RIPOR2: variants seen among roughly 807,000 people sequenced by gnomAD.
RIPOR2 encodes the protein RHO family interacting cell polarization regulator 2, also known as rho family-interacting cell polarization regulator 2.
Under a neutral mutation model 114.5 loss-of-function variants are expected in RIPOR2, and 39 were observed. That is an observed-to-expected ratio of 0.34 (90% CI 0.26 to 0.44). The LOEUF (loss-of-function observed/expected upper bound fraction) is 0.44. Ranked by LOEUF, RIPOR2 falls within the 20% of genes least tolerant of loss-of-function variation. RIPOR2 has a pLI of 1.00. For missense variants in RIPOR2, 1,007 were observed against 1,255.1 expected (o/e 0.80, Z 2.99); for synonymous variants, 445 against 484.4 (o/e 0.92, Z 1.07).
chr6:25,003,909 A>G (rs1775428141), intron 1 of RIPOR2, among the ~76,000 whole-genome samples: 1 of 152,200 alleles, frequency 6.6e-6, no homozygotes, highest in Non-Finnish European at 1.5e-5. Flanking sequence ...ATCTGACCCC[A>G]GTTCAGTTAT....
chr6:25,025,204 T>A (rs1776549539), intron 1 of RIPOR2, among the ~76,000 whole-genome samples: 1 of 152,190 alleles, frequency 6.6e-6, no homozygotes, highest in Admixed American at 6.5e-5. Context: ...GGTGTACATG[T>A]GGGTGGTGGG....
intron 19 of RIPOR2, among the ~76,000 whole-genome samples, chr6:24,819,585 C>T (rs1340635528): frequency 6.7e-6 from 1 of 148,928 alleles, no homozygotes; most frequent in Admixed American, 6.8e-5. Context: ...GTGATCTCGG[C>T]TCACTGTAAC....
At chr6:24,980,272 A>G (rs1305441542) in intron 1 of RIPOR2, among the ~76,000 whole-genome samples, 1 of 152,224 alleles carries the variant, frequency 6.6e-6, no homozygotes, top group East Asian at 1.9e-4. Flanking sequence ...ATTACAAAGC[A>G]ATAATGTGCT....
chr6:24,877,812 G>A (rs1765946818), intron 1 of RIPOR2, among the ~76,000 whole-genome samples: 1 of 152,134 alleles, frequency 6.6e-6, no homozygotes, highest in African/African-American at 2.4e-5. Context: ...TTCCCCTATT[G>A]GCTAGGGTTG....
Position 24,851,224 on chromosome 6 carries a change from C to T in RIPOR2, c.760-502G>A, listed in dbSNP as rs142163376. 2.7e-3 allele frequency among the ~76,000 whole-genome samples: 412 copies of T among 152,232 alleles called. 6 individuals are homozygous for T. In the South Asian group the frequency reaches 0.027, roughly 10 times the overall value. On this transcript the variant is annotated intron_variant, in intron 9 of 21. Transcript: ENST00000643898. ...ACTTTTAAAGCACAGTAAGTTCTGCCTGCCTGAGACAGGGAGGGTACAGGT... is the reference window on the plus strand; with the variant it reads ...ACTTTTAAAGCACAGTAAGTTCTGCTTGCCTGAGACAGGGAGGGTACAGGT...
intron 1 of RIPOR2, among the ~76,000 whole-genome samples, chr6:24,921,651 G>GCCCCCCCCCCC (rs143776369): frequency 6.8e-6 from 1 of 146,888 alleles, no homozygotes; most frequent in Non-Finnish European, 1.5e-5. Context: ...AACACTTATC[G>GCCCCCCCCCCC]CCCCCCCCGA....
intron 13 of RIPOR2, chr6:24,840,370 C>A: frequency 4.4e-6 from 5 of 1,140,526 alleles, no homozygotes; most frequent in Non-Finnish European, 5.4e-6. Flanking sequence ...CCTGACCAGG[C>A]CCTGGCATCA....
intron 12 of RIPOR2, among the ~76,000 whole-genome samples, chr6:24,843,995 A>C (rs1473326986): frequency 6.6e-6 from 1 of 152,122 alleles, no homozygotes; most frequent in Admixed American, 6.6e-5. Context: ...TTAGTTCCAA[A>C]GTTGTGATGT....
chr6:25,030,759 C>T (rs538250878), intron 1 of RIPOR2, among the ~76,000 whole-genome samples: 82 of 152,088 alleles, frequency 5.4e-4, no homozygotes, highest in African/African-American at 1.7e-3. Context: ...AGTGCAATGG[C>T]GTGATCTCGG....
At chr6:24,945,555 G>C (rs1458352543) in intron 1 of RIPOR2, among the ~76,000 whole-genome samples, 1 of 152,104 alleles carries the variant, frequency 6.6e-6, no homozygotes, top group East Asian at 1.9e-4. Context: ...CATCTGTGTT[G>C]ACGGGCATAT....
intron 1 of RIPOR2, among the ~76,000 whole-genome samples, chr6:24,892,232 C>T (rs1219887409): frequency 4.6e-5 from 7 of 152,188 alleles, no homozygotes; most frequent in Non-Finnish European, 7.3e-5. Flanking sequence ...CATCACCTCA[C>T]ACTCACCAGT....
At chr6:25,029,633 T>C (rs1405547609) in intron 1 of RIPOR2, among the ~76,000 whole-genome samples, 1 of 151,816 alleles carries the variant, frequency 6.6e-6, no homozygotes, top group Non-Finnish European at 1.5e-5. Flanking sequence ...ACTTCTCAGA[T>C]GACACAGAAA....
At chr6:25,009,103 C>T (rs1308868614) in intron 1 of RIPOR2, among the ~76,000 whole-genome samples, 2 of 152,174 alleles carry the variant, frequency 1.3e-5, no homozygotes, top group African/African-American at 4.8e-5. Context: ...GGTGGCATCC[C>T]ACTGCTCTTG....
intron 9 of RIPOR2, 51 bp from the exon 10 acceptor site, chr6:24,850,773 C>G: frequency 6.2e-7 from 1 of 1,603,406 alleles, no homozygotes; most frequent in Non-Finnish European, 8.5e-7. Flanking sequence ...CCCTCTTCTC[C>G]ACCAGAACAC....
At chr6:24,843,690 G>A in intron 12 of RIPOR2, 136 bp from the exon 13 acceptor site, 3 of 564,552 alleles carry the variant, frequency 5.3e-6, no homozygotes, top group Non-Finnish European at 9.0e-6. Flanking sequence ...CATTTTATTT[G>A]TTGATGCCGT....
Position 24,931,099 on chromosome 6 carries a change from C to T in RIPOR2, c.61+4739G>A, listed in dbSNP as rs539422745. 3.3e-5 allele frequency among the ~76,000 whole-genome samples: 5 copies of T among 152,232 alleles called. No homozygotes were observed. The South Asian group carries it at 1.0e-3, about 32-fold the overall frequency. On this transcript the variant is annotated intron_variant, in intron 1 of 21. Transcript: ENST00000643898. ...TTTGTACATAATATGAATTTAATTG[C>T]TTTTTTCCCCTTTCTTCTTTCTATT...
intron 1 of RIPOR2, among the ~76,000 whole-genome samples, chr6:25,039,646 A>G (rs1777385635): frequency 6.6e-6 from 1 of 152,220 alleles, no homozygotes; most frequent in South Asian, 2.1e-4. Flanking sequence ...GTATAGGCCG[A>G]CTTCCCATCC....
At chr6:25,015,170 C>CA (rs1775913540) in intron 1 of RIPOR2, 2 of 152,208 alleles carry the variant, frequency 1.3e-5, no homozygotes, top group African/African-American at 4.8e-5. Context: ...TTTAGAGCTT[C>CA]ATCATTCATG....
chr6:24,840,808 C>A (rs780379538), intron 13 of RIPOR2: 9 of 1,532,050 alleles, frequency 5.9e-6, no homozygotes, highest in Non-Finnish European at 7.9e-6. Context: ...AAAGAGAAAG[C>A]TTTGTCCAGC....
Sources: allele counts gnomAD v4.1 joint callset (sites outside exome capture counted in the v4.1 genomes callset), GRCh38; gene constraint gnomAD v4.1.1; transcripts MANE v1.5; gene names NCBI Gene and HGNC (gene_info 2026-07-23, HGNC 2026-07-21).